Variants in CNTN5 observed in about 807,000 individuals in gnomAD.
CNTN5 encodes contactin 5.
A neutral mutation model predicts 129.1 loss-of-function variants in CNTN5; 77 were observed. The observed-to-expected ratio is 0.60, with a 90% confidence interval of 0.50 to 0.72. CNTN5 has a LOEUF of 0.72. Among genes scored for constraint, CNTN5 ranks in the 30% least tolerant of loss-of-function variants. The pLI is 0.00. For synonymous variants in CNTN5, 509 were observed against 465.6 expected, an observed-to-expected ratio of 1.09 and a Z score of -1.20; for missense variants, 1,478 against 1,328.8, an observed-to-expected ratio of 1.11 and a Z score of -1.75.
At chr11:99,815,005 T>G (rs1946538225) in intron 3 of CNTN5, among the ~76,000 whole-genome samples, 1 of 151,894 alleles carries the variant, frequency 6.6e-6, no homozygotes, top group African/African-American at 2.4e-5. Flanking sequence ...TCAGCTCTCA[T>G]GAGAACTCAC....
chr11:99,725,012 A>T (rs776152468), intron 3 of CNTN5, among the ~76,000 whole-genome samples: 17 of 152,206 alleles, frequency 1.1e-4, no homozygotes, highest in Non-Finnish European at 1.2e-4. Context: ...TAAGTAGAAG[A>T]CTTGATTGTT....
chr11:99,223,970 A>G (rs1860542756), intron 1 of CNTN5, among the ~76,000 whole-genome samples: 1 of 152,134 alleles, frequency 6.6e-6, no homozygotes, highest in African/African-American at 2.4e-5. Context: ...GGTCCATATA[A>G]ATGTTTCTTC....
chr11:100,137,090 T>C (rs1226693973), intron 13 of CNTN5, among the ~76,000 whole-genome samples: 1 of 152,010 alleles, frequency 6.6e-6, no homozygotes, highest in Non-Finnish European at 1.5e-5. Flanking sequence ...CTATGGCATA[T>C]AAAAGATTTA....
intron 1 of CNTN5, among the ~76,000 whole-genome samples, chr11:99,116,158 A>G (rs1565329527): frequency 6.6e-6 from 1 of 152,060 alleles, no homozygotes; most frequent in African/African-American, 2.4e-5. Flanking sequence ...TACACATTTT[A>G]TTTCTATTTA....
At chr11:99,148,382 A>G (rs1301692909) in intron 1 of CNTN5, among the ~76,000 whole-genome samples, 1 of 152,150 alleles carries the variant, frequency 6.6e-6, no homozygotes, top group Non-Finnish European at 1.5e-5. Context: ...AAAATTCATG[A>G]ATTGGGCAGC....
At chr11:100,324,015 GTTCT>G (rs1412021707) in intron 21 of CNTN5, among the ~76,000 whole-genome samples, 1 of 151,990 alleles carries the variant, frequency 6.6e-6, no homozygotes, top group African/African-American at 2.4e-5. Context: ...CAAAACTTTT[GTTCT>G]TTCATTAAAT....
intron 11 of CNTN5, among the ~76,000 whole-genome samples, chr11:100,071,138 C>T (rs1969873023): frequency 6.6e-6 from 1 of 151,958 alleles, no homozygotes; most frequent in Admixed American, 6.6e-5. Flanking sequence ...TTTATACTAT[C>T]TTATGATACT....
At chr11:100,247,866 GA>G (rs747038320) in intron 16 of CNTN5, among the ~76,000 whole-genome samples, 1 of 152,002 alleles carries the variant, frequency 6.6e-6, no homozygotes, top group Admixed American at 6.6e-5. Context: ...CTTTGTACTG[GA>G]TGGTTCATTG....
chr11:99,861,086 G>A (rs1948190817), intron 6 of CNTN5, among the ~76,000 whole-genome samples: 1 of 151,068 alleles, frequency 6.6e-6, no homozygotes, highest in Admixed American at 6.6e-5. Context: ...CTCCTGAGTA[G>A]GTAGGACTAC....
chr11:99,855,495 T>C (rs1404031601), intron 6 of CNTN5, among the ~76,000 whole-genome samples: 1 of 152,158 alleles, frequency 6.6e-6, no homozygotes, highest in Non-Finnish European at 1.5e-5. Flanking sequence ...ATAATGAATA[T>C]TGATTTTGGC....
At chr11:99,253,595 A>G (rs541036500) in intron 1 of CNTN5, among the ~76,000 whole-genome samples, 61 of 151,858 alleles carry the variant, frequency 4.0e-4, no homozygotes, top group Non-Finnish European at 8.1e-4. Context: ...TACATTGGTC[A>G]ATTTGAGTTA....
chr11:99,896,533 A>G (rs925837511), intron 6 of CNTN5, among the ~76,000 whole-genome samples: 6 of 152,088 alleles, frequency 3.9e-5, no homozygotes, highest in Non-Finnish European at 8.8e-5. Flanking sequence ...TGCCAAACAG[A>G]ACTCACTGAC....
chr11:100,017,973 G>T (rs1273245144), intron 9 of CNTN5, among the ~76,000 whole-genome samples: 1 of 151,884 alleles, frequency 6.6e-6, no homozygotes, highest in Non-Finnish European at 1.5e-5. Context: ...TTTGGTTATT[G>T]TTTGACTTTT....
At chr11:99,828,959 T>C (rs1350286994) in intron 4 of CNTN5, among the ~76,000 whole-genome samples, 1 of 152,164 alleles carries the variant, frequency 6.6e-6, no homozygotes, top group Non-Finnish European at 1.5e-5. Context: ...GAAAACATCA[T>C]GTCTGATTTC....
At chr11:99,218,119 A>G (rs1019343511) in intron 1 of CNTN5, among the ~76,000 whole-genome samples, 2 of 152,102 alleles carry the variant, frequency 1.3e-5, no homozygotes, top group Non-Finnish European at 2.9e-5. Flanking sequence ...TTCCTTTGCC[A>G]AATCTAATGG....
At chr11:100,303,431 C>A (rs1039007848) in intron 20 of CNTN5, among the ~76,000 whole-genome samples, 1 of 151,440 alleles carries the variant, frequency 6.6e-6, no homozygotes, top group Non-Finnish European at 1.5e-5. Context: ...TCAAACATAC[C>A]ATTTTCCACT....
intron 1 of CNTN5, among the ~76,000 whole-genome samples, chr11:99,037,378 T>C (rs1591084331): frequency 6.6e-6 from 1 of 152,130 alleles, no homozygotes. Context: ...TTTGGCAGTG[T>C]TCCATTAAGG....
chr11:99,049,068 C>T (rs1864322702), intron 1 of CNTN5, among the ~76,000 whole-genome samples: 1 of 152,110 alleles, frequency 6.6e-6, no homozygotes, highest in Non-Finnish European at 1.5e-5. Context: ...ATATGCCATG[C>T]CTGTTCTAAG....
chr11:99,974,202 T>C (rs1591509237), intron 8 of CNTN5, among the ~76,000 whole-genome samples: 1 of 152,344 alleles, frequency 6.6e-6, no homozygotes, highest in East Asian at 1.9e-4. Flanking sequence ...TTATCTTTTT[T>C]TTCTAGGTAA....
Sources: allele counts gnomAD v4.1 joint callset (sites outside exome capture counted in the v4.1 genomes callset), GRCh38; gene constraint gnomAD v4.1.1; transcripts MANE v1.5; gene names NCBI Gene and HGNC (gene_info 2026-07-23, HGNC 2026-07-21).